Variants in PRPF38B observed in about 807,000 individuals in gnomAD.
PRPF38B encodes pre-mRNA processing factor 38B, also known as pre-mRNA-splicing factor 38B.
In PRPF38B, 18 loss-of-function variants were observed where a neutral mutation model predicts 67.2. That is an observed-to-expected ratio of 0.27 (90% CI 0.19 to 0.40). The LOEUF is 0.40. Ranked by LOEUF, PRPF38B falls within the 10% of genes least tolerant of loss-of-function variation. The pLI, the probability that PRPF38B is intolerant of heterozygous loss-of-function variation, is 1.00. For missense variants in PRPF38B, 544 were observed against 684.9 expected, an observed-to-expected ratio of 0.79 and a Z score of 2.30; for synonymous variants, 246 against 234.2, an observed-to-expected ratio of 1.05 and a Z score of -0.46.
rs1445852114 is a variant in PRPF38B at position 108,692,577 on chromosome 1, T to C, written c.-15T>C. The C allele has an allele frequency of 6.7e-7, 1 of 1,493,682 alleles. No individual in the cohort carries two copies. Among genetic ancestry groups the C allele is most frequent in the Non-Finnish European group, 9.0e-7 (1 of 1,112,522 alleles). The allele number at this position is 1,493,682 out of a possible 1,614,324, so 92.5% of individuals were successfully genotyped here. ...TCCCCCCCCTCCTTCCCTCCCTCCT[T>C]CCTTCCGCCGCAACATGGCTAACAA... is the stretch of plus-strand genomic sequence containing the variant. On this transcript the variant is annotated 5_prime_UTR_variant, in exon 1 of 6. Coordinates refer to ENST00000370025, the MANE Select transcript of PRPF38B (RefSeq NM_018061.4).
rs373142207 is a variant in PRPF38B, at chr1:108,699,227, G to T, written c.848G>T (p.Arg283Leu). The T allele has an allele frequency of 5.0e-6, 8 of 1,613,998 alleles. No individual in the cohort carries two copies. Among genetic ancestry groups the T allele is most frequent in the African/African-American group, 2.7e-5 (2 of 74,884 alleles). Reference sequence around the variant, plus strand: ...AGGTCAAGAAGTAGAAGTCATCATCGGGAGGGCCATGGGTCTTCTAGTTTT... The same window carrying T: ...AGGTCAAGAAGTAGAAGTCATCATCTGGAGGGCCATGGGTCTTCTAGTTTT... ...PRRSRSRSHH[R>L]EGHGSSSFDR... is the part of the protein sequence containing the mutation. The change falls in exon 6 of 6, where the codon CGG becomes CTG. Residue 283 changes from arginine (R) to leucine (L), a missense_variant. Physicochemically the swap from Arg to Leu is moderately radical, Grantham distance 102. This residue lies in a region of PRPF38B where 387 missense variants were observed against 386.1 expected (regional missense o/e 1.00). Coordinates refer to ENST00000370025, the MANE Select transcript of PRPF38B (RefSeq NM_018061.4).
intron 4 of PRPF38B, 103 bp downstream of exon 4, chr1:108,696,440 TAA>T: frequency 1.9e-6 from 2 of 1,041,250 alleles, no homozygotes; most frequent in Non-Finnish European, 2.8e-6. Context: ...TTCCTGTAGT[TAA>T]ATTTATTTCA....
intron 1 of PRPF38B, chr1:108,693,598 C>G (rs959370220): frequency 1.0e-6 from 1 of 984,944 alleles, no homozygotes; most frequent in African/African-American, 1.7e-5. Context: ...AGGATTGACT[C>G]AGTCTTGCAG....
chr1:108,698,800 A>C lies in PRPF38B; in HGVS notation c.755A>C (p.Asp252Ala). The change falls in exon 5 of 6, where the codon GAC becomes GCC. Residue 252 changes from aspartate to alanine, a missense_variant. Physicochemically the swap from Asp to Ala is moderately radical, Grantham distance 126. Coordinates refer to ENST00000370025, the MANE Select transcript of PRPF38B (RefSeq NM_018061.4). ...KDGKEGAEEI[D>A]RHVERRRSRS... ...GGGAAGGAAGGTGCTGAGGAAATAG[A>C]CAGACATGTTGAACGCAGACGTTCA... is the stretch of plus-strand genomic sequence containing the variant. 6.2e-7 allele frequency: 1 copy of C among 1,613,800 alleles called. No homozygotes were observed. Among genetic ancestry groups the C allele is most frequent in the Non-Finnish European group, 8.5e-7 (1 of 1,179,708 alleles).
In PRPF38B at chr1:108,699,440, GAGAA is replaced by G; in HGVS notation, c.1065_1068del (p.Glu357LysfsTer41). The G allele has an allele frequency of 6.2e-7, 1 of 1,613,502 alleles. No individual in the cohort carries two copies. Among genetic ancestry groups the G allele is most frequent in the Non-Finnish European group, 8.5e-7 (1 of 1,179,674 alleles). On this transcript the variant is annotated frameshift_variant, in exon 6 of 6. Coordinates refer to ENST00000370025, the MANE Select transcript of PRPF38B (RefSeq NM_018061.4). LOFTEE classifies it high-confidence loss of function. ...AAAGGGGATAGAAGGGACAGGGATC[GAGAA>G]AGAGAGAAAGAAAATGAGAGAGGTA... is the stretch of plus-strand genomic sequence containing the variant.
At chr1:108,696,998 G>A (rs1659925876) in intron 4 of PRPF38B, 2 of 501,272 alleles carry the variant, frequency 4.0e-6, no homozygotes, top group Non-Finnish European at 7.0e-6. Context: ...CATTGGCTGG[G>A]CGTGGTGGCT....
chr1:108,699,808 GGAA>G lies in PRPF38B; in HGVS notation c.1433_1435del (p.Arg478del), dbSNP rs1161757709. On this transcript the variant is annotated inframe_deletion, in exon 6 of 6. Coordinates refer to ENST00000370025, the MANE Select transcript of PRPF38B (RefSeq NM_018061.4). ...TAAACGAAGTCGAAGTGGCAGTCAA[GGAA>G]GAACTGACAGTGTTGAAAAATCAAA... 3 of 1,612,994 alleles carry G rather than the reference GGAA, an allele frequency of 1.9e-6. No individual in the cohort carries two copies. The highest frequency in any genetic ancestry group is 2.5e-6 in the Non-Finnish European group (3 of 1,179,824).
Position 108,698,694 on chromosome 1 carries a change from T to G in PRPF38B, c.649T>G (p.Leu217Val). Residue 217 changes from leucine (L) to valine (V), a missense_variant, in exon 5 of 6, where the codon TTG (leucine) becomes GTG (valine). By Grantham distance (32) the Leu-to-Val change is conservative. This residue lies in a region of PRPF38B where 57 missense variants were observed against 122.7 expected (regional missense o/e 0.46). Transcript: ENST00000370025. ...FLTKLEWFST[L>V]FPRIPVPVQK... The stretch of plus-strand genomic sequence containing the variant: ...CACAAAACTGGAGTGGTTTTCTACC[T>G]TGTTTCCAAGAATTCCAGTTCCAGT... The G allele has an allele frequency of 6.2e-7, 1 of 1,613,994 alleles. No individual in the cohort carries two copies. The highest frequency in any genetic ancestry group is 8.5e-7 in the Non-Finnish European group (1 of 1,179,914).
rs749745895 is a variant in PRPF38B at position 108,699,291 on chromosome 1, A to G, written c.912A>G (p.Leu304=). The G allele has an allele frequency of 1.2e-6, 2 of 1,614,174 alleles. No homozygotes were observed. The highest frequency in any genetic ancestry group is 3.3e-5 in the Admixed American group (2 of 60,028). Residue 304 remains leucine (L), a synonymous_variant, in exon 6 of 6, where the codon CTA becomes CTG. Transcript: ENST00000370025. Reference sequence around the variant, plus strand: ...AAAGAGAGAAAGAACGCCAGCGACTAGAGCGTGAAGCCAAAGAAAGGGAGA... The same window carrying G: ...AAAGAGAGAAAGAACGCCAGCGACTGGAGCGTGAAGCCAAAGAAAGGGAGA... The part of the protein sequence containing the change: ...ELEREKERQR[L]EREAKEREKE...
chr1:108,702,091 C>T lies in PRPF38B; in HGVS notation c.*2071C>T, dbSNP rs1022129582. On this transcript the variant is annotated 3_prime_UTR_variant, in exon 6 of 6. Coordinates refer to ENST00000370025, the MANE Select transcript of PRPF38B (RefSeq NM_018061.4). ...AGAACTATCACCTCGATTGACAGTT[C>T]GATGATCGTCACTACATTTGATTTC... Among the ~76,000 whole-genome samples, 6 of 152,138 alleles carry T rather than the reference C, an allele frequency of 3.9e-5. No individual in the cohort carries two copies. The highest frequency in any genetic ancestry group is 1.2e-4 in the African/African-American group (5 of 41,418).
rs1482912116 is a variant in PRPF38B at position 108,692,409 on chromosome 1, C to G, written c.-183C>G. The G allele has an allele frequency of 4.4e-6, 3 of 687,804 alleles. No homozygotes were observed. In the African/African-American group the frequency reaches 5.4e-5, roughly 12 times the overall value. The allele number at this position is 687,804 out of a possible 1,614,324, so 42.6% of individuals were successfully genotyped here. Reference sequence around the variant, plus strand: ...CGCGGTCTGGGTTTCGCTGTCTGCTCTTGGCCCGGGGTCATTTTGTCGGCG... The same window carrying G: ...CGCGGTCTGGGTTTCGCTGTCTGCTGTTGGCCCGGGGTCATTTTGTCGGCG... On this transcript the variant is annotated 5_prime_UTR_variant, in exon 1 of 6. Coordinates refer to ENST00000370025, the MANE Select transcript of PRPF38B (RefSeq NM_018061.4).
chr1:108,695,632 T>C (rs962570089), intron 1 of PRPF38B, 70 bp from the exon 2 acceptor site: 3 of 1,498,558 alleles, frequency 2.0e-6, no homozygotes, highest in Non-Finnish European at 2.8e-6. Context: ...GGACTTGGGT[T>C]TACTTTTATC....
intron 4 of PRPF38B, chr1:108,696,635 T>A (rs1026443888): frequency 1.5e-6 from 1 of 689,104 alleles, no homozygotes; most frequent in African/African-American, 1.8e-5. Context: ...ATTGTATAGT[T>A]AATAGTGACT....
At chr1:108,697,651 G>A (rs1660039347) in intron 4 of PRPF38B, 1 of 151,620 alleles carries the variant, frequency 6.6e-6, no homozygotes, top group Non-Finnish European at 1.5e-5. Flanking sequence ...CAGTTTTTCA[G>A]ACTGAAGTGC....
intron 1 of PRPF38B, 108 bp downstream of exon 1, chr1:108,692,975 G>A (rs966558700): frequency 7.1e-6 from 10 of 1,401,730 alleles, no homozygotes; most frequent in Non-Finnish European, 8.6e-6. Flanking sequence ...GTGGGGGAAG[G>A]TGGTTCGGCG....
intron 1 of PRPF38B, chr1:108,693,666 A>G (rs533605864): frequency 2.3e-5 from 22 of 958,576 alleles, no homozygotes; most frequent in Admixed American, 1.8e-4. Flanking sequence ...ATCATGCTCA[A>G]TCGCCATAAA....
rs775891079 is a variant in PRPF38B, at chr1:108,698,831, A to G, written c.782+4A>G. ...ATGTTGAACGCAGACGTTCAAGGTAATGTCACTCTTGAATTATGCTTATTT... is the reference window on the plus strand; with the variant it reads ...ATGTTGAACGCAGACGTTCAAGGTAGTGTCACTCTTGAATTATGCTTATTT... On this transcript the variant is annotated splice_donor_region_variant and intron_variant, in intron 5 of 5. Transcript: ENST00000370025. 1.9e-6 allele frequency: 3 copies of G among 1,599,592 alleles called. No individual in the cohort carries two copies. Among genetic ancestry groups the G allele is most frequent in the South Asian group, 2.2e-5 (2 of 90,522 alleles).
In PRPF38B at chr1:108,695,619, T is replaced by TA. The variant is rs561133508; in HGVS notation, c.277-82dup. The TA allele has an allele frequency of 7.2e-3, 9,718 of 1,356,926 alleles. 47 individuals are homozygous for TA. Among genetic ancestry groups the TA allele is most frequent in the Non-Finnish European group, 9.1e-3 (8,814 of 968,262 alleles). The allele number at this position is 1,356,926 out of a possible 1,614,324, so 84.1% of individuals were successfully genotyped here. A position where few individuals can be genotyped will look rare whatever the true frequency, so the allele number is the denominator to read the frequency against. The stretch of plus-strand genomic sequence containing the variant: ...AATAATTTTGGAAGAGCTGCTCTAT[T>TA]ATGGACTTGGGTTTACTTTTATCAG... On this transcript the variant is annotated intron_variant, in intron 1 of 5. Coordinates refer to ENST00000370025, the MANE Select transcript of PRPF38B (RefSeq NM_018061.4).
chr1:108,702,924 G>T lies in PRPF38B; in HGVS notation c.*2904G>T, dbSNP rs557288328. Reference sequence around the variant, plus strand: ...TTGCAATTAAATTCTATACATGGGCGAGTATATCATCAATCTTAAACTTTT... The same window carrying T: ...TTGCAATTAAATTCTATACATGGGCTAGTATATCATCAATCTTAAACTTTT... On this transcript the variant is annotated 3_prime_UTR_variant, in exon 6 of 6. Transcript: ENST00000370025. Among the ~76,000 whole-genome samples the T allele has an allele frequency of 6.6e-6, 1 of 152,104 alleles. No homozygotes were observed. Among genetic ancestry groups the T allele is most frequent in the Admixed American group, 6.5e-5 (1 of 15,276 alleles).
Sources: gnomAD v4.1 joint callset for allele counts (sites outside exome capture counted in the v4.1 genomes callset) on GRCh38, gnomAD v4.1.1 for gene constraint, gnomAD v4.1.1 regional missense constraint, MANE v1.5 for transcripts, NCBI Gene and HGNC (gene_info 2026-07-23, HGNC 2026-07-21) for gene names.